ARHGAP44: variants seen among roughly 807,000 people sequenced by gnomAD.
ARHGAP44 encodes the protein rho GTPase-activating protein 44.
In ARHGAP44, 43 loss-of-function variants were observed where a neutral mutation model predicts 106.8. That is an observed-to-expected ratio of 0.40 (90% confidence interval 0.32 to 0.52). The LOEUF (loss-of-function observed/expected upper bound fraction) is 0.52, where lower values mean the gene tolerates loss of function less well. ARHGAP44 is among the 20% of genes least tolerant of loss of function. ARHGAP44 has a pLI of 0.48. For missense variants in ARHGAP44, 866 were observed against 1,050.5 expected (o/e 0.82, Z 2.43); for synonymous variants, 439 against 410.3 (o/e 1.07, Z -0.85).
intron 16 of ARHGAP44, among the ~76,000 whole-genome samples, chr17:12,971,513 C>G (rs987069655): frequency 1.3e-5 from 2 of 152,140 alleles, no homozygotes; most frequent in African/African-American, 4.8e-5. Context: ...GTTCCGTTCC[C>G]TAAGAGGAAT....
intron 3 of ARHGAP44, among the ~76,000 whole-genome samples, chr17:12,898,929 T>C (rs2037293819): frequency 6.6e-6 from 1 of 151,604 alleles, no homozygotes; most frequent in Non-Finnish European, 1.5e-5. Flanking sequence ...TGCCCAAGCA[T>C]GTATAGGTCA....
intron 7 of ARHGAP44, among the ~76,000 whole-genome samples, chr17:12,933,224 T>C (rs1598078200): frequency 6.6e-6 from 1 of 152,248 alleles, no homozygotes; most frequent in South Asian, 2.1e-4. Flanking sequence ...GGTTTTATAT[T>C]TCCTCAGCAG....
intron 1 of ARHGAP44, among the ~76,000 whole-genome samples, chr17:12,863,885 G>C (rs561361963): frequency 1.3e-5 from 2 of 152,346 alleles, no homozygotes; most frequent in East Asian, 1.9e-4. Flanking sequence ...TGCTGGGGCT[G>C]GTGTCATTTG....
chr17:12,815,495 G>A (rs1325207092), intron 1 of ARHGAP44, among the ~76,000 whole-genome samples: 1 of 152,148 alleles, frequency 6.6e-6, no homozygotes, highest in African/African-American at 2.4e-5. Context: ...GATTTTGAGT[G>A]GGAGAATGTT....
intron 4 of ARHGAP44, among the ~76,000 whole-genome samples, chr17:12,915,602 C>T (rs2037886000): frequency 6.6e-6 from 1 of 151,648 alleles, no homozygotes; most frequent in African/African-American, 2.4e-5. Flanking sequence ...ATCCAATGTT[C>T]TCCTCAGAGA....
intron 18 of ARHGAP44, among the ~76,000 whole-genome samples, chr17:12,975,310 AC>A (rs980378099): frequency 6.2e-4 from 94 of 151,210 alleles, no homozygotes; most frequent in African/African-American, 2.3e-3. Flanking sequence ...CATAGCAGCC[AC>A]TTTTTTTTTT....
At chr17:12,907,267 A>G (rs545138916) in intron 3 of ARHGAP44, among the ~76,000 whole-genome samples, 35 of 152,322 alleles carry the variant, frequency 2.3e-4, no homozygotes, top group African/African-American at 7.9e-4. Flanking sequence ...TTAGTTCAGA[A>G]AGGAGAGAGC....
At position 12,919,574 on chromosome 17, in the gene ARHGAP44, C is replaced by A. The variant is rs555882802; in HGVS notation, c.388-181C>A. Among the ~76,000 whole-genome samples, 51 of 152,082 alleles carry A rather than the reference C, an allele frequency of 3.4e-4. No individual in the cohort carries two copies. In the South Asian group the frequency reaches 0.011, roughly 32 times the overall value. On this transcript the variant is annotated intron_variant, in intron 5 of 20. Coordinates refer to ENST00000379672, the MANE Select transcript of ARHGAP44 (RefSeq NM_014859.6). ...TTAATTTTTGTATTTTTAGTAGAGT[C>A]GGAGTTTCGCCATATTGGCCAGGCT...
chr17:12,955,656 C>A, intron 13 of ARHGAP44: 1 of 485,668 alleles, frequency 2.1e-6, no homozygotes, highest in South Asian at 2.4e-5. Flanking sequence ...GATGTCGACA[C>A]CTGACCCAGT....
chr17:12,982,205 G>C (rs2039850679), intron 19 of ARHGAP44, among the ~76,000 whole-genome samples: 2 of 152,084 alleles, frequency 1.3e-5, no homozygotes, highest in Non-Finnish European at 2.9e-5. Flanking sequence ...GAGTGACTCA[G>C]GTCCCTTTCC....
chr17:12,867,967 C>T (rs1280397925), intron 1 of ARHGAP44, among the ~76,000 whole-genome samples: 1 of 152,154 alleles, frequency 6.6e-6, no homozygotes, highest in African/African-American at 2.4e-5. Flanking sequence ...ACCCTTATAA[C>T]CACAAAGGTC....
chr17:12,852,612 G>A (rs2035786882), intron 1 of ARHGAP44, among the ~76,000 whole-genome samples: 1 of 150,894 alleles, frequency 6.6e-6, no homozygotes, highest in African/African-American at 2.4e-5. Context: ...TGCAATCTCG[G>A]CTCACTGCAA....
At position 12,789,775 on chromosome 17, in the gene ARHGAP44, G is replaced by A; in HGVS notation, c.-64G>A. On this transcript the variant is annotated 5_prime_UTR_variant, in exon 1 of 21. Coordinates refer to ENST00000379672, the MANE Select transcript of ARHGAP44 (RefSeq NM_014859.6). ...CTCCGCGCGGGAGCCATGTAACCCTGCGGCGGGCTCCGGGCTGCTCCGTCC... is the reference window on the plus strand; with the variant it reads ...CTCCGCGCGGGAGCCATGTAACCCTACGGCGGGCTCCGGGCTGCTCCGTCC... 2 of 1,413,076 alleles carry A rather than the reference G, an allele frequency of 1.4e-6. No homozygotes were observed. Among genetic ancestry groups the A allele is most frequent in the East Asian group, 3.1e-5 (1 of 32,456 alleles). 87.5% of individuals were successfully genotyped at this position (1,413,076 alleles called of 1,614,324 possible).
chr17:12,933,034 C>T (rs550250911), intron 7 of ARHGAP44, among the ~76,000 whole-genome samples: 1 of 152,298 alleles, frequency 6.6e-6, no homozygotes, highest in African/African-American at 2.4e-5. Flanking sequence ...AAGGGAGTCT[C>T]ATTTGTGTGC....
At chr17:12,973,705 G>A (rs1016172059) in intron 17 of ARHGAP44, 74 of 475,684 alleles carry the variant, frequency 1.6e-4, no homozygotes, top group Non-Finnish European at 2.6e-4. Flanking sequence ...GAGTGTCCCT[G>A]CCCCCCCAGT....
At chr17:12,935,734 A>G (rs2038528205) in intron 7 of ARHGAP44, among the ~76,000 whole-genome samples, 1 of 152,180 alleles carries the variant, frequency 6.6e-6, no homozygotes, top group Non-Finnish European at 1.5e-5. Context: ...AAACAACAGA[A>G]TTGACACTGC....
At chr17:12,866,380 G>T (rs550153662) in intron 1 of ARHGAP44, among the ~76,000 whole-genome samples, 1 of 152,190 alleles carries the variant, frequency 6.6e-6, no homozygotes, top group South Asian at 2.1e-4. Flanking sequence ...AGTTTTACCC[G>T]TAAGTTCTAA....
At chr17:12,947,522 G>T (rs1469240591) in intron 10 of ARHGAP44, among the ~76,000 whole-genome samples, 1 of 152,118 alleles carries the variant, frequency 6.6e-6, no homozygotes, top group Non-Finnish European at 1.5e-5. Context: ...CTGTGAAAAG[G>T]CTTCACTCGT....
chr17:12,810,523 A>G (rs766108648), intron 1 of ARHGAP44, among the ~76,000 whole-genome samples: 9 of 152,190 alleles, frequency 5.9e-5, no homozygotes, highest in Non-Finnish European at 8.8e-5. Flanking sequence ...CCATGTGACA[A>G]ATGGGTTAGA....
Sources: gnomAD v4.1 joint callset for allele counts (sites outside exome capture counted in the v4.1 genomes callset) on GRCh38, gnomAD v4.1.1 for gene constraint, MANE v1.5 for transcripts, NCBI Gene and HGNC (gene_info 2026-07-23, HGNC 2026-07-21) for gene names.